The following EFCAB6 variants were observed in gnomAD, a reference collection of about 807,000 sequenced individuals.
EFCAB6 encodes the protein EF-hand calcium-binding domain-containing protein 6.
EFCAB6 carries 156 observed loss-of-function variants against 169.8 expected under a neutral mutation model. The ratio of observed to expected loss-of-function variants is 0.92; its 90% CI spans 0.81 to 1.05. The LOEUF (loss-of-function observed/expected upper bound fraction) is 1.05, where lower values mean the gene tolerates loss of function less well. EFCAB6 is among the 50% of genes least tolerant of loss of function. The pLI is 0.00. For synonymous variants in EFCAB6, 698 were observed against 676.4 expected, an observed-to-expected ratio of 1.03 and a Z score of -0.50; for missense variants, 1,800 against 1,829.1, an observed-to-expected ratio of 0.98 and a Z score of 0.29.
chr22:43,738,040 TCA>T lies in EFCAB6; in HGVS notation c.508-2049_508-2048del, dbSNP rs931457702. 5.6e-5 allele frequency among the ~76,000 whole-genome samples: 8 copies of T among 142,702 alleles called. No homozygotes were observed. The East Asian group carries it at 6.6e-4, about 12-fold the overall frequency. The allele number at this position is 142,702 out of a possible 152,430, so 93.6% of individuals were successfully genotyped here. ...CTCACACACACACACCTGCATATAC[TCA>T]CACATTCACACCATCACTCAAATAT... is the stretch of plus-strand genomic sequence containing the variant. On this transcript the variant is annotated intron_variant, in intron 6 of 31. Coordinates refer to ENST00000262726, the MANE Select transcript of EFCAB6 (RefSeq NM_022785.4).
chr22:43,776,965 A>G (rs1194927338), intron 3 of EFCAB6, among the ~76,000 whole-genome samples: 1 of 152,166 alleles, frequency 6.6e-6, no homozygotes, highest in Non-Finnish European at 1.5e-5. Context: ...ACAAGAGAGG[A>G]GGCTGCTTCA....
chr22:43,679,552 G>A (rs962755548), intron 12 of EFCAB6, among the ~76,000 whole-genome samples: 3 of 152,130 alleles, frequency 2.0e-5, no homozygotes, highest in Non-Finnish European at 4.4e-5. Context: ...TTATAGAAAC[G>A]GCCATGCTGT....
chr22:43,812,257 C>A lies in EFCAB6; in HGVS notation c.-234G>T, dbSNP rs2063159266. 1 of 152,298 alleles carries A rather than the reference C, an allele frequency of 6.6e-6. No homozygotes were observed. Among genetic ancestry groups the A allele is most frequent in the Non-Finnish European group, 1.5e-5 (1 of 68,070 alleles). 9.4% of individuals were successfully genotyped at this position (152,298 alleles called of 1,614,324 possible). A position where few individuals can be genotyped will look rare whatever the true frequency, so the allele number is the denominator to read the frequency against. ...CGGGGTCTCAGAGGGGCTGCCCATT[C>A]GGCGTCTCTAGGACGCTGTTGCCCG... On this transcript the variant is annotated 5_prime_UTR_variant, in exon 1 of 32. Coordinates refer to ENST00000262726, the MANE Select transcript of EFCAB6 (RefSeq NM_022785.4).
chr22:43,639,207 A>C (rs1204722569), intron 17 of EFCAB6, among the ~76,000 whole-genome samples: 1 of 152,242 alleles, frequency 6.6e-6, no homozygotes, highest in African/African-American at 2.4e-5. Flanking sequence ...TTTAATCAGC[A>C]ATTTACCATT....
chr22:43,589,320 A>AAAAAAAAAAAAAAAAAAAAAAAAAAAG (rs1569207678), intron 24 of EFCAB6, among the ~76,000 whole-genome samples: 1 of 59,772 alleles, frequency 1.7e-5, no homozygotes, highest in Non-Finnish European at 3.6e-5. Context: ...AAAAAAAAAA[A>AAAAAAAAAAAAAAAAAAAAAAAAAAAG]AGAAGTACAG....
intron 1 of EFCAB6, among the ~76,000 whole-genome samples, chr22:43,810,973 T>C (rs1215988218): frequency 6.6e-6 from 1 of 152,044 alleles, no homozygotes; most frequent in Admixed American, 6.6e-5. Context: ...CTGTAGTGTA[T>C]GAAAGTAGAA....
chr22:43,620,696 A>G (rs185626214), intron 20 of EFCAB6, among the ~76,000 whole-genome samples: 16 of 152,308 alleles, frequency 1.1e-4, no homozygotes, highest in African/African-American at 3.8e-4. Context: ...ATTATAATAC[A>G]CAATTTTTTT....
chr22:43,736,374 A>G (rs1166668064), intron 6 of EFCAB6, among the ~76,000 whole-genome samples: 3 of 152,206 alleles, frequency 2.0e-5, no homozygotes, highest in African/African-American at 7.2e-5. Context: ...AGCCATATGC[A>G]AACTATTTTT....
chr22:43,528,976 C>G lies in EFCAB6; in HGVS notation c.4384-1G>C, dbSNP rs762555543. ...GGTTGATGCTGTACTGTCTCAGGAC[C>G]TGGAAGACAGAGAAAAGGGGCCTCT... On this transcript the variant is annotated splice_acceptor_variant, in intron 31 of 31. Coordinates refer to ENST00000262726, the MANE Select transcript of EFCAB6 (RefSeq NM_022785.4). LOFTEE classifies it high-confidence loss of function. 6.4e-7 allele frequency: 1 copy of G among 1,574,776 alleles called. No homozygotes were observed. Among genetic ancestry groups the G allele is most frequent in the African/African-American group, 1.3e-5 (1 of 74,198 alleles).
At chr22:43,727,624 T>C (rs1244461966) in intron 8 of EFCAB6, among the ~76,000 whole-genome samples, 1 of 152,096 alleles carries the variant, frequency 6.6e-6, no homozygotes, top group Non-Finnish European at 1.5e-5. Flanking sequence ...TAACAAAGGA[T>C]AGGAGAGAAG....
At chr22:43,664,119 C>G (rs1227878833) in intron 17 of EFCAB6, among the ~76,000 whole-genome samples, 1 of 152,190 alleles carries the variant, frequency 6.6e-6, no homozygotes, top group African/African-American at 2.4e-5. Context: ...AGCAGCTGTT[C>G]AGTGAGCTGA....
rs148251843 is a variant in EFCAB6, at chr22:43,696,257, C to T, written c.1032-8676G>A. ...TGCAAATTTAAAACAGACTGAGATA[C>T]CTCTACACACCTCTAGAATGGCTAA... On this transcript the variant is annotated intron_variant, in intron 10 of 31. Transcript: ENST00000262726. 5.0e-4 allele frequency among the ~76,000 whole-genome samples: 72 copies of T among 145,438 alleles called. 5 individuals carry two copies. The East Asian group carries it at 0.014, about 28-fold the overall frequency.
rs751297724 is a variant in EFCAB6 at position 43,780,109 on chromosome 22, A to C, written c.139+2071T>G. On this transcript the variant is annotated intron_variant, in intron 3 of 31. Transcript: ENST00000262726. ...ATCTGTGTTAGGATACTTAGAAATG[A>C]GCACTTGTAAGTATCATGAGTGAGA... Among the ~76,000 whole-genome samples, 116 of 152,338 alleles carry C rather than the reference A, an allele frequency of 7.6e-4. 1 individual carries two copies. The highest frequency in any genetic ancestry group is 8.7e-4 in the Non-Finnish European group (59 of 68,026).
Position 43,615,922 on chromosome 22 carries a change from T to A in EFCAB6, c.2466A>T (p.Arg822Ser), listed in dbSNP as rs532515757. Residue 822 changes from arginine (R) to serine (S), a missense_variant and splice_region_variant, in exon 21 of 32, where the codon AGA (arginine) becomes AGT (serine). Coordinates refer to ENST00000262726, the MANE Select transcript of EFCAB6 (RefSeq NM_022785.4). The part of the protein sequence containing the change: ...RTDEAPQRLI[R>S]PKQKVADSEL... Reference sequence around the variant, plus strand: ...CTGAATCCGCAACCTTCTGTTTTGGTCTTAAAAGAAAAAAAATAATAAATA... The same window carrying A: ...CTGAATCCGCAACCTTCTGTTTTGGACTTAAAAGAAAAAAAATAATAAATA... 6.2e-7 allele frequency: 1 copy of A among 1,611,400 alleles called. No individual in the cohort carries two copies. Among genetic ancestry groups the A allele is most frequent in the Admixed American group, 1.7e-5 (1 of 59,836 alleles).
chr22:43,801,141 A>G (rs2062695918), intron 2 of EFCAB6, among the ~76,000 whole-genome samples: 1 of 152,236 alleles, frequency 6.6e-6, no homozygotes, highest in African/African-American at 2.4e-5. Flanking sequence ...ACTTCTTAAC[A>G]GAAATCATAT....
intron 10 of EFCAB6, 47 bp downstream of exon 10, chr22:43,711,428 G>A: frequency 6.6e-7 from 1 of 1,510,078 alleles, no homozygotes; most frequent in East Asian, 2.4e-5. Flanking sequence ...TATTCTTACG[G>A]TTGACGTTTG....
intron 2 of EFCAB6, among the ~76,000 whole-genome samples, chr22:43,788,705 C>T (rs570190919): frequency 1.3e-5 from 2 of 152,144 alleles, no homozygotes; most frequent in East Asian, 1.9e-4. Flanking sequence ...AGTTGCCATA[C>T]GGCCAAGCAA....
intron 10 of EFCAB6, among the ~76,000 whole-genome samples, chr22:43,699,274 T>C (rs1189596990): frequency 6.6e-6 from 1 of 152,146 alleles, no homozygotes; most frequent in South Asian, 2.1e-4. Flanking sequence ...AAGTGAACTA[T>C]TTATTCCCTC....
At chr22:43,697,409 A>G (rs1294480323) in intron 10 of EFCAB6, among the ~76,000 whole-genome samples, 3 of 152,224 alleles carry the variant, frequency 2.0e-5, no homozygotes, top group Admixed American at 2.0e-4. Context: ...TATGTATGTG[A>G]CTGTGTGTAC....
Sources: gnomAD v4.1 joint callset for allele counts (sites outside exome capture counted in the v4.1 genomes callset) on GRCh38, gnomAD v4.1.1 for gene constraint, MANE v1.5 for transcripts, NCBI Gene and HGNC (gene_info 2026-07-23, HGNC 2026-07-21) for gene names.